The following TTC7A variants were observed in gnomAD, a reference collection of about 807,000 sequenced individuals.
The protein encoded by TTC7A is tetratricopeptide repeat protein 7A.
TTC7A carries 110 observed loss-of-function variants against 103.7 expected under a neutral mutation model. The ratio of observed to expected loss-of-function variants is 1.06; its 90% CI spans 0.91 to 1.24. The LOEUF (loss-of-function observed/expected upper bound fraction) is 1.24. Ranked by LOEUF, TTC7A falls within the 50% of genes most tolerant of loss-of-function variation. The pLI is 0.00. For missense variants in TTC7A, 1,340 were observed against 1,116.3 expected (o/e 1.20, Z -2.86); for synonymous variants, 521 against 467.9 (o/e 1.11, Z -1.47).
chr2:46,990,421 CTGTGGGGCAGAG>C (rs1216687699), intron 5 of TTC7A, among the ~76,000 whole-genome samples: 2 of 152,188 alleles, frequency 1.3e-5, no homozygotes, highest in Admixed American at 1.3e-4. Context: ...CTTCTGTCCT[CTGTGGGGCAGAG>C]GGCTGGTAGG....
At chr2:46,947,977 G>A (rs6544941) in intron 1 of TTC7A, among the ~76,000 whole-genome samples, 108,108 of 152,074 alleles carry the variant, frequency 0.71, 38,621 homozygotes, top group Middle Eastern at 0.78. Flanking sequence ...CCAAAGGGGC[G>A]TGCTCTGGGG....
chr2:46,992,848 G>T (rs1449518226), intron 5 of TTC7A, among the ~76,000 whole-genome samples: 1 of 152,212 alleles, frequency 6.6e-6, no homozygotes, highest in African/African-American at 2.4e-5. Context: ...GAGAAACTTC[G>T]GTTTTATGTC....
At chr2:47,057,379 G>C (rs570744260) in intron 18 of TTC7A, among the ~76,000 whole-genome samples, 2 of 152,204 alleles carry the variant, frequency 1.3e-5, no homozygotes, top group Admixed American at 6.5e-5. Context: ...GTGCTCTCTG[G>C]TGTGTGGCCA....
At chr2:46,921,292 A>G (rs2103803233) in intron 2 of TTC7A, among the ~76,000 whole-genome samples, 1 of 152,354 alleles carries the variant, frequency 6.6e-6, no homozygotes, top group East Asian at 1.9e-4. Context: ...GAAAAAAGCT[A>G]CTAGAGCTAT....
At chr2:47,053,347 A>G (rs1181192294) in intron 18 of TTC7A, among the ~76,000 whole-genome samples, 1 of 146,946 alleles carries the variant, frequency 6.8e-6, no homozygotes, top group Non-Finnish European at 1.5e-5. Context: ...CCAACTTCCA[A>G]GGGGCCGCAT....
chr2:46,934,787 CTTTTTTTTTTTTTTTTTTTTT>C (rs1161003607), intron 2 of TTC7A, among the ~76,000 whole-genome samples: 4 of 66,890 alleles, frequency 6.0e-5, no homozygotes, highest in Non-Finnish European at 1.1e-4. Flanking sequence ...GACTACTGCT[CTTTTTTTTTTTTTTTTTTTTT>C]TTTTTTTTTT....
Position 47,051,726 on chromosome 2 carries a change from C to G in TTC7A, c.2018-20C>G. 1 of 1,603,374 alleles carries G rather than the reference C, an allele frequency of 6.2e-7. No homozygotes were observed. The highest frequency in any genetic ancestry group is 2.2e-5 in the East Asian group (1 of 44,728). ...GTGGACCTCTGACCACTGCTCGGCT[C>G]GTGCCCTCTTGCTCTGCAGGCTCCC... On this transcript the variant is annotated intron_variant, in intron 17 of 19. Coordinates refer to ENST00000319190, the MANE Select transcript of TTC7A (RefSeq NM_020458.4).
chr2:47,071,395 C>T (rs548091489), intron 19 of TTC7A, among the ~76,000 whole-genome samples: 1 of 152,304 alleles, frequency 6.6e-6, no homozygotes, highest in East Asian at 1.9e-4. Flanking sequence ...TGCCCTCTCC[C>T]AGCTTCTAGA....
Position 46,975,005 on chromosome 2 carries a change from G to C in TTC7A, c.550G>C (p.Ala184Pro), listed in dbSNP as rs769450594. Residue 184 changes from alanine to proline, a missense_variant, in exon 4 of 20, where the codon GCC (alanine) becomes CCC (proline). Transcript: ENST00000319190. ...LSLERLPNSI[A>P]SRFRLTEREE... ...TCTGGAACGCCTACCCAACTCCATC[G>C]CCTCCCGCTTCCGCCTGACAGAGAG... 9 of 1,613,802 alleles carry C rather than the reference G, an allele frequency of 5.6e-6. No homozygotes were observed. The African/African-American group carries it at 9.3e-5, about 17-fold the overall frequency.
At chr2:46,999,872 G>T in intron 8 of TTC7A, 3 of 985,466 alleles carry the variant, frequency 3.0e-6, no homozygotes, top group Non-Finnish European at 3.6e-6. Flanking sequence ...CAGAGCCCTG[G>T]TGTTGAGAGT....
chr2:46,966,096 T>C (rs1330013070), intron 3 of TTC7A, among the ~76,000 whole-genome samples: 1 of 152,088 alleles, frequency 6.6e-6, no homozygotes, highest in Admixed American at 6.6e-5. Context: ...TTTACAGGCA[T>C]GCGCCACCAC....
At chr2:46,925,313 T>C (rs935974830) in intron 2 of TTC7A, among the ~76,000 whole-genome samples, 10 of 152,148 alleles carry the variant, frequency 6.6e-5, no homozygotes, top group Non-Finnish European at 1.5e-4. Flanking sequence ...ATCCCAGCAC[T>C]TTGGGAGGCT....
At chr2:46,979,906 A>G (rs1161302163) in intron 5 of TTC7A, among the ~76,000 whole-genome samples, 1 of 152,164 alleles carries the variant, frequency 6.6e-6, no homozygotes, top group African/African-American at 2.4e-5. Flanking sequence ...ATAGGTGCCA[A>G]GCGCAGCCGT....
At chr2:46,998,061 T>G (rs1316984831) in intron 8 of TTC7A, among the ~76,000 whole-genome samples, 2 of 151,630 alleles carry the variant, frequency 1.3e-5, no homozygotes, top group African/African-American at 2.4e-5. Flanking sequence ...GGTTATGGGG[T>G]GGGTGAGTCT....
At chr2:46,981,062 C>T (rs762959354) in intron 5 of TTC7A, among the ~76,000 whole-genome samples, 5 of 152,110 alleles carry the variant, frequency 3.3e-5, no homozygotes, top group African/African-American at 4.8e-5. Flanking sequence ...TGCTCCATTA[C>T]GTAGGCATGA....
At chr2:47,049,845 C>A in intron 16 of TTC7A, 104 bp from the exon 17 acceptor site, 1 of 835,776 alleles carries the variant, frequency 1.2e-6, no homozygotes, top group Non-Finnish European at 2.0e-6. Flanking sequence ...GTGAGGCTGT[C>A]CCATTCTCCC....
chr2:46,917,263 G>A, exon 2 of TTC7A: 3 of 697,062 alleles, frequency 4.3e-6, no homozygotes, highest in Non-Finnish European at 7.8e-6. Context: ...CTCCCAAAGT[G>A]CTGGGATTAC....
chr2:46,995,004 C>T (rs1676032582), intron 7 of TTC7A, 132 bp from the exon 8 acceptor site: 2 of 790,890 alleles, frequency 2.5e-6, no homozygotes, highest in Non-Finnish European at 2.1e-6. Context: ...ATCCGGTGCC[C>T]ATGAATTATG....
chr2:46,999,099 C>T lies in TTC7A; in HGVS notation c.1065+3900C>T, dbSNP rs571531477. On this transcript the variant is annotated intron_variant, in intron 8 of 19. Transcript: ENST00000319190. ...TCTACCCTCCCATCATTTCTGCATC[C>T]GCCCATCCTCCTACCCACCATTCAT... Among the ~76,000 whole-genome samples, 9 of 152,212 alleles carry T rather than the reference C, an allele frequency of 5.9e-5. 1 individual carries two copies. The highest frequency in any genetic ancestry group is 1.3e-4 in the Admixed American group (2 of 15,280).
Sources: gnomAD v4.1 joint callset for allele counts (sites outside exome capture counted in the v4.1 genomes callset) on GRCh38, gnomAD v4.1.1 for gene constraint, MANE v1.5 for transcripts, NCBI Gene and HGNC (gene_info 2026-07-23, HGNC 2026-07-21) for gene names.